The following ANGPT4 variants were observed in gnomAD, a reference collection of about 807,000 sequenced individuals.
ANGPT4 encodes the protein angiopoietin-4.
In ANGPT4, 50 loss-of-function variants were observed where a neutral mutation model predicts 53.0. The observed-to-expected ratio is 0.94, with a 90% confidence interval of 0.75 to 1.20. ANGPT4 has a LOEUF of 1.20. Ranked by LOEUF, ANGPT4 falls within the 50% of genes most tolerant of loss-of-function variation. ANGPT4 has a pLI of 0.00. For missense variants in ANGPT4, 648 were observed against 637.1 expected, an observed-to-expected ratio of 1.02 and a Z score of -0.18; for synonymous variants, 251 against 259.7, an observed-to-expected ratio of 0.97 and a Z score of 0.32.
In ANGPT4 at chr20:870,568, G is replaced by A. The variant is rs1042809475; in HGVS notation, c.*2392C>T. On this transcript the variant is annotated 3_prime_UTR_variant, in exon 9 of 9. Coordinates refer to ENST00000381922, the MANE Select transcript of ANGPT4 (RefSeq NM_015985.4). The stretch of plus-strand genomic sequence containing the variant: ...ATTACATAAAGAACAGGTGTCTGAG[G>A]ATAACTCAAATCAGCTTCCTGCCCC... 2 of 152,116 alleles carry A rather than the reference G, an allele frequency of 1.3e-5. No homozygotes were observed. The highest frequency in any genetic ancestry group is 4.8e-5 in the African/African-American group (2 of 41,410). The allele number at this position is 152,116 out of a possible 1,614,324, so 9.4% of individuals were successfully genotyped here.
At chr20:881,390 G>T in intron 4 of ANGPT4, 104 bp from the exon 5 acceptor site, 2 of 994,460 alleles carry the variant, frequency 2.0e-6, no homozygotes, top group Non-Finnish European at 3.1e-6. Context: ...GGGTTGGGAG[G>T]TGCTGGGGAC....
At chr20:886,179 C>T (rs1272697123) in intron 3 of ANGPT4, among the ~76,000 whole-genome samples, 2 of 152,188 alleles carry the variant, frequency 1.3e-5, no homozygotes, top group Non-Finnish European at 2.9e-5. Context: ...TTAGACTCAG[C>T]TCTTTCTTTT....
chr20:881,577 G>A (rs1013745657), intron 4 of ANGPT4, among the ~76,000 whole-genome samples: 2 of 152,210 alleles, frequency 1.3e-5, no homozygotes, highest in Non-Finnish European at 2.9e-5. Flanking sequence ...ACAGGGCATG[G>A]GGAGGGGAAC....
At chr20:913,892 C>A (rs774556190) in intron 1 of ANGPT4, among the ~76,000 whole-genome samples, 1 of 152,150 alleles carries the variant, frequency 6.6e-6, no homozygotes, top group Non-Finnish European at 1.5e-5. Flanking sequence ...GACAGACAGG[C>A]AGGAGGAGGG....
chr20:909,410 T>C (rs1982613366), intron 1 of ANGPT4, among the ~76,000 whole-genome samples: 1 of 152,198 alleles, frequency 6.6e-6, no homozygotes, highest in African/African-American at 2.4e-5. Flanking sequence ...CTCAATTTTA[T>C]AGATTGAAAA....
At position 890,411 on chromosome 20, in the gene ANGPT4, G is replaced by C. The variant is rs370007562; in HGVS notation, c.310-43C>G. 3.8e-6 allele frequency: 6 copies of C among 1,561,818 alleles called. No homozygotes were observed. In the Admixed American group the frequency reaches 1.0e-4, roughly 27 times the overall value. ...CTGGGGTCACGGGGGAGGGGCGGGG[G>C]AAGCCCCCTGTCCCTCCCACGTGTC... On this transcript the variant is annotated intron_variant, in intron 1 of 8. Coordinates refer to ENST00000381922, the MANE Select transcript of ANGPT4 (RefSeq NM_015985.4).
In ANGPT4 at chr20:914,472, G is replaced by A. The variant is rs987710869; in HGVS notation, c.309+1434C>T. On this transcript the variant is annotated intron_variant, in intron 1 of 8. Transcript: ENST00000381922. The surrounding 1 kb of genome is among the most constrained non-coding windows in gnomAD (Gnocchi z 5.0). ...ATGCATGGTTAGCCCTGGGAGGAGG[G>A]AGAGGATGTAACTTAGGTTTTGATG... 6.6e-6 allele frequency among the ~76,000 whole-genome samples: 1 copy of A among 152,052 alleles called. No individual in the cohort carries two copies. The highest frequency in any genetic ancestry group is 2.4e-5 in the African/African-American group (1 of 41,384).
intron 1 of ANGPT4, among the ~76,000 whole-genome samples, chr20:906,125 A>C (rs2122123794): frequency 6.6e-6 from 1 of 152,316 alleles, no homozygotes. Flanking sequence ...GGCATGACTA[A>C]TTAGATATTG....
Position 911,015 on chromosome 20 carries a change from T to C in ANGPT4, c.309+4891A>G, listed in dbSNP as rs1402314814. On this transcript the variant is annotated intron_variant, in intron 1 of 8. Coordinates refer to ENST00000381922, the MANE Select transcript of ANGPT4 (RefSeq NM_015985.4). This position sits in a 1 kb window ranked among gnomAD's most constrained non-coding sequence, Gnocchi z 4.9. ...GAGGTTAGGAAATCAAACCCCAAGA[T>C]ATTTTGTTCGGCACCGAGACTCATT... 1.3e-5 allele frequency among the ~76,000 whole-genome samples: 2 copies of C among 152,106 alleles called. No individual in the cohort carries two copies. Among genetic ancestry groups the C allele is most frequent in the Admixed American group, 1.3e-4 (2 of 15,274 alleles).
At position 873,727 on chromosome 20, in the gene ANGPT4, T is replaced by C. The variant is rs114646129; in HGVS notation, c.1351+557A>G. Among the ~76,000 whole-genome samples, 832 of 152,212 alleles carry C rather than the reference T, an allele frequency of 5.5e-3. 7 individuals carry two copies. Among genetic ancestry groups the C allele is most frequent in the African/African-American group, 0.019 (775 of 41,530 alleles). ...CCCTCTGTACTTCTCTGCCCCAGTA[T>C]AGCTCTCCATCTGCTGCTCAATGAC... On this transcript the variant is annotated intron_variant, in intron 8 of 8. Transcript: ENST00000381922.
chr20:880,965 T>A (rs1019399809), intron 5 of ANGPT4, among the ~76,000 whole-genome samples: 1 of 152,246 alleles, frequency 6.6e-6, no homozygotes, highest in African/African-American at 2.4e-5. Flanking sequence ...GAAGTGATGC[T>A]GGTTAAGGAT....
At chr20:904,293 CCCA>C in intron 1 of ANGPT4, among the ~76,000 whole-genome samples, 1 of 152,308 alleles carries the variant, frequency 6.6e-6, no homozygotes, top group Non-Finnish European at 1.5e-5. Context: ...GTGTTTCCAT[CCCA>C]CCACCTGCCC....
Position 914,535 on chromosome 20 carries a change from G to A in ANGPT4, c.309+1371C>T, listed in dbSNP as rs1330038778. On this transcript the variant is annotated intron_variant, in intron 1 of 8. Transcript: ENST00000381922. The surrounding 1 kb of genome is among the most constrained non-coding windows in gnomAD (Gnocchi z 5.0). ...TCTGCTGCATGGAGAACAGGAGGTG[G>A]GGGCCGAGTGTTAGCAGGGAGCCAG... is the stretch of plus-strand genomic sequence containing the variant. Among the ~76,000 whole-genome samples, 1 of 152,046 alleles carries A rather than the reference G, an allele frequency of 6.6e-6. No individual in the cohort carries two copies. Among genetic ancestry groups the A allele is most frequent in the Non-Finnish European group, 1.5e-5 (1 of 68,000 alleles).
intron 6 of ANGPT4, 43 bp from the exon 7 acceptor site, chr20:878,370 AG>A (rs1369578109): frequency 6.4e-7 from 1 of 1,560,756 alleles, no homozygotes; most frequent in African/African-American, 1.3e-5. Flanking sequence ...GCTGAGGAGG[AG>A]GCCATGTCCC....
At chr20:913,629 G>A (rs769740612) in intron 1 of ANGPT4, among the ~76,000 whole-genome samples, 10 of 152,230 alleles carry the variant, frequency 6.6e-5, no homozygotes, top group Admixed American at 2.0e-4. Flanking sequence ...CTCAGCCAAT[G>A]TTTCCCAAGC....
chr20:885,216 C>A lies in ANGPT4; in HGVS notation c.697G>T (p.Ala233Ser), dbSNP rs746772044. The change falls in exon 4 of 9, where the codon GCC becomes TCC. Residue 233 changes from alanine (A) to serine (S), a missense_variant. Transcript: ENST00000381922. Reference sequence around the variant, plus strand: ...AGGCCGCGCTCGATGTTGGTGAGGGCGGCGCTCTGGCGGCTCAGCGTGTTC... The same window carrying A: ...AGGCCGCGCTCGATGTTGGTGAGGGAGGCGCTCTGGCGGCTCAGCGTGTTC... ...LLNTLSRQSA[A>S]LTNIERGLRG... is the part of the protein sequence containing the mutation. 10 of 1,593,476 alleles carry A rather than the reference C, an allele frequency of 6.3e-6. No homozygotes were observed. The South Asian group carries it at 1.0e-4, about 16-fold the overall frequency.
chr20:911,532 G>T lies in ANGPT4; in HGVS notation c.309+4374C>A, dbSNP rs116132894. ...TGAGAAAGAGACAGGAAAAGATGCAGGGAGTCACTTTGATAGCCAACCAGG... is the reference window on the plus strand; with the variant it reads ...TGAGAAAGAGACAGGAAAAGATGCATGGAGTCACTTTGATAGCCAACCAGG... On this transcript the variant is annotated intron_variant, in intron 1 of 8. Transcript: ENST00000381922. The surrounding 1 kb of genome is among the most constrained non-coding windows in gnomAD (Gnocchi z 4.9). 6.0e-3 allele frequency among the ~76,000 whole-genome samples: 912 copies of T among 152,252 alleles called. 9 individuals carry two copies. Among genetic ancestry groups the T allele is most frequent in the African/African-American group, 0.021 (883 of 41,524 alleles).
chr20:898,939 C>T (rs574719497), intron 1 of ANGPT4, among the ~76,000 whole-genome samples: 9 of 152,306 alleles, frequency 5.9e-5, no homozygotes, highest in Non-Finnish European at 1.0e-4. Flanking sequence ...GCCCACCAAC[C>T]ACACCCAGAG....
At chr20:877,119 G>A (rs1015968754) in intron 7 of ANGPT4, among the ~76,000 whole-genome samples, 4 of 152,238 alleles carry the variant, frequency 2.6e-5, no homozygotes, top group African/African-American at 9.6e-5. Context: ...AACAGTGGGG[G>A]CATATCACTG....
Sources: gnomAD v4.1 joint callset for allele counts (sites outside exome capture counted in the v4.1 genomes callset) on GRCh38, gnomAD v4.1.1 for gene constraint, Gnocchi (gnomAD v3.1) non-coding constraint, MANE v1.5 for transcripts, NCBI Gene and HGNC (gene_info 2026-07-23, HGNC 2026-07-21) for gene names.